Variants in NSUN6 observed in about 807,000 individuals in gnomAD.
The protein encoded by NSUN6 is tRNA (cytosine(72)-C(5))-methyltransferase NSUN6.
NSUN6 carries 64 observed loss-of-function variants against 58.0 expected under a neutral mutation model. The ratio of observed to expected loss-of-function variants is 1.10; its 90% CI spans 0.90 to 1.36. The LOEUF (loss-of-function observed/expected upper bound fraction) is 1.36, where lower values mean the gene tolerates loss of function less well. NSUN6 is among the 40% of genes most tolerant of loss of function. The probability of loss-of-function intolerance (pLI) is 0.00; values close to 1 mark genes in which losing one functional copy is unlikely to be tolerated. For missense variants in NSUN6, 701 were observed against 550.1 expected, an observed-to-expected ratio of 1.27 and a Z score of -2.74; for synonymous variants, 231 against 193.9, an observed-to-expected ratio of 1.19 and a Z score of -1.59.
At chr10:18,585,804 G>GACAA (rs2057107178) in intron 8 of NSUN6, 145 bp downstream of exon 8, 5 of 610,960 alleles carry the variant, frequency 8.2e-6, no homozygotes, top group East Asian at 3.1e-5. Context: ...ATTACCACAA[G>GACAA]GATAAGTACA....
intron 3 of NSUN6, among the ~76,000 whole-genome samples, chr10:18,640,715 C>T (rs2131555585): frequency 1.3e-5 from 2 of 152,228 alleles, no homozygotes; most frequent in African/African-American, 4.8e-5. Flanking sequence ...ACCCAACAAA[C>T]TAAACATTTA....
intron 3 of NSUN6, among the ~76,000 whole-genome samples, chr10:18,635,437 G>A (rs1240639763): frequency 6.6e-6 from 1 of 152,152 alleles, no homozygotes; most frequent in African/African-American, 2.4e-5. Context: ...AGCACACAAA[G>A]TCCTGCTGCC....
intron 8 of NSUN6, among the ~76,000 whole-genome samples, chr10:18,563,986 T>C (rs998901180): frequency 4.0e-5 from 6 of 151,572 alleles, no homozygotes; most frequent in Admixed American, 3.3e-4. Context: ...TCCATTCCAT[T>C]CCATTCTCCA....
chr10:18,574,204 G>A (rs893074995), intron 8 of NSUN6, among the ~76,000 whole-genome samples: 27 of 151,962 alleles, frequency 1.8e-4, no homozygotes, highest in African/African-American at 5.6e-4. Context: ...AGTCCAACAC[G>A]GCTACCACAG....
intron 3 of NSUN6, among the ~76,000 whole-genome samples, chr10:18,641,371 T>C (rs1461934738): frequency 6.8e-6 from 1 of 146,658 alleles, no homozygotes; most frequent in East Asian, 1.9e-4. Flanking sequence ...TATTTTTCCT[T>C]TTTTTTTTTT....
At chr10:18,645,100 G>A (rs868395058) in intron 2 of NSUN6, among the ~76,000 whole-genome samples, 2 of 148,062 alleles carry the variant, frequency 1.4e-5, no homozygotes, top group South Asian at 4.3e-4. Context: ...AGAGGTTGCA[G>A]TGAGCTGAGA....
At chr10:18,605,184 C>T (rs1033346478) in intron 6 of NSUN6, among the ~76,000 whole-genome samples, 2 of 148,972 alleles carry the variant, frequency 1.3e-5, no homozygotes, top group African/African-American at 5.0e-5. Flanking sequence ...CGTGCCTAGC[C>T]GAGACTCCCT....
intron 8 of NSUN6, among the ~76,000 whole-genome samples, chr10:18,562,950 A>G (rs1275244493): frequency 1.3e-5 from 2 of 151,346 alleles, no homozygotes; most frequent in African/African-American, 4.9e-5. Flanking sequence ...TGGAGAATGG[A>G]ATGGAATGTA....
Position 18,596,234 on chromosome 10 carries a change from G to A in NSUN6, c.751C>T (p.His251Tyr), listed in dbSNP as rs1329650524. 14 of 1,611,420 alleles carry A rather than the reference G, an allele frequency of 8.7e-6. No individual in the cohort carries two copies. Among genetic ancestry groups the A allele is most frequent in the Non-Finnish European group, 1.1e-5 (13 of 1,177,640 alleles). The change falls in exon 7 of 11, where the codon CAC becomes TAC. Residue 251 changes from histidine to tyrosine, a missense_variant. His to Tyr is a moderately conservative substitution (Grantham distance 83). Transcript: ENST00000377304. Reference protein sequence around the residue: ...LCAAPGGKTTHIAALMHDQGE... With the variant: ...LCAAPGGKTTYIAALMHDQGE... ...TGATCATGCATTAGTGCTGCAATGT[G>A]TGTTGTTTTCCCTCCAGGTGCTGCA...
chr10:18,648,780 T>C (rs188320901), intron 1 of NSUN6, 135 bp from the exon 2 acceptor site: 3 of 542,222 alleles, frequency 5.5e-6, no homozygotes, highest in African/African-American at 1.9e-5. Flanking sequence ...ATTGTTTATA[T>C]GTTAATAGCA....
intron 10 of NSUN6, 47 bp from the exon 11 acceptor site, chr10:18,546,192 CA>C: frequency 1.6e-6 from 2 of 1,234,214 alleles, no homozygotes; most frequent in African/African-American, 1.5e-5. Context: ...CTGTAATTAG[CA>C]AGTATGACTG....
chr10:18,623,294 T>TA (rs2058674208), intron 3 of NSUN6, among the ~76,000 whole-genome samples: 2 of 151,950 alleles, frequency 1.3e-5, no homozygotes, highest in South Asian at 2.1e-4. Flanking sequence ...GAGCTTCTAC[T>TA]AAAAAATCAG....
At chr10:18,554,429 G>A (rs10828911) in intron 8 of NSUN6, among the ~76,000 whole-genome samples, 52,653 of 150,578 alleles carry the variant, frequency 0.35, 9,736 homozygotes, top group East Asian at 0.74. Context: ...GGAATGGAAC[G>A]GACAACGGAA....
At chr10:18,562,631 G>C (rs542856122) in intron 8 of NSUN6, among the ~76,000 whole-genome samples, 7 of 146,768 alleles carry the variant, frequency 4.8e-5, no homozygotes, top group African/African-American at 1.9e-4. Flanking sequence ...ATACAGAATG[G>C]AAGAGAATGG....
At chr10:18,579,372 G>T (rs1030145572) in intron 8 of NSUN6, among the ~76,000 whole-genome samples, 1 of 151,986 alleles carries the variant, frequency 6.6e-6, no homozygotes, top group Admixed American at 6.6e-5. Context: ...GGGTTTCACC[G>T]TGTTAGCCAG....
At chr10:18,628,315 C>A (rs2058899175) in intron 3 of NSUN6, among the ~76,000 whole-genome samples, 1 of 152,146 alleles carries the variant, frequency 6.6e-6, no homozygotes, top group South Asian at 2.1e-4. Flanking sequence ...AAAAACAGAG[C>A]AGAAAAACTG....
intron 3 of NSUN6, among the ~76,000 whole-genome samples, chr10:18,619,467 A>C (rs2058524149): frequency 6.6e-6 from 1 of 152,148 alleles, no homozygotes; most frequent in Non-Finnish European, 1.5e-5. Flanking sequence ...AAGACCCTAA[A>C]TTTAGAAGAA....
At chr10:18,570,439 TTCCATTC>T (rs1016568542) in intron 8 of NSUN6, among the ~76,000 whole-genome samples, 1 of 149,146 alleles carries the variant, frequency 6.7e-6, no homozygotes, top group African/African-American at 2.5e-5. Context: ...CTCCATTCCA[TTCCATTC>T]TCCATTCCAT....
At chr10:18,564,218 C>T (rs936174136) in intron 8 of NSUN6, among the ~76,000 whole-genome samples, 1 of 151,190 alleles carries the variant, frequency 6.6e-6, no homozygotes, top group South Asian at 2.1e-4. Context: ...GTAATACATT[C>T]CATCCACTCT....
Sources: allele counts gnomAD v4.1 joint callset (sites outside exome capture counted in the v4.1 genomes callset), GRCh38; gene constraint gnomAD v4.1.1; transcripts MANE v1.5; gene names NCBI Gene and HGNC (gene_info 2026-07-23, HGNC 2026-07-21).